Variants in PTPRD observed in about 807,000 individuals in gnomAD.
The protein encoded by PTPRD is protein tyrosine phosphatase receptor type D.
Under a neutral mutation model 214.5 loss-of-function variants are expected in PTPRD, and 34 were observed. That is an observed-to-expected ratio of 0.16 (90% CI 0.12 to 0.21). The LOEUF (loss-of-function observed/expected upper bound fraction) is 0.21, where lower values mean the gene tolerates loss of function less well. Among genes scored for constraint, PTPRD ranks in the 10% least tolerant of loss-of-function variants. The probability of loss-of-function intolerance (pLI) is 1.00; values close to 1 mark genes in which losing one functional copy is unlikely to be tolerated. For missense variants in PTPRD, 2,545 were observed against 2,398.7 expected (o/e 1.06, Z -1.27); for synonymous variants, 1,128 against 845.7 (o/e 1.33, Z -5.79).
chr9:10,147,577 G>C (rs2099031911), intron 3 of PTPRD, among the ~76,000 whole-genome samples: 1 of 152,042 alleles, frequency 6.6e-6, no homozygotes. Context: ...GAGTTATAGA[G>C]ATGCAAAAGC....
At chr9:8,969,898 T>C (rs983279590) in intron 11 of PTPRD, among the ~76,000 whole-genome samples, 2 of 151,980 alleles carry the variant, frequency 1.3e-5, no homozygotes, top group Non-Finnish European at 1.5e-5. Context: ...AATTACAACA[T>C]TGCCTTTTAA....
At chr9:10,519,257 C>CG (rs1555465157) in intron 2 of PTPRD, among the ~76,000 whole-genome samples, 1 of 71,442 alleles carries the variant, frequency 1.4e-5, no homozygotes, top group Non-Finnish European at 2.4e-5. Flanking sequence ...ATTTCCTCCA[C>CG]AAAAAAAAAA....
chr9:9,211,463 TTTCC>T lies in PTPRD; in HGVS notation c.-202-28104_-202-28101del, dbSNP rs1017292512. On this transcript the variant is annotated intron_variant, in intron 9 of 45. Transcript: ENST00000381196. Reference sequence around the variant, plus strand: ...ATAAATATTAGCTTTCATCACTGGTTTTCCTTCCTTCCTTCTTTCTTTCCTTCCT... The same window carrying T: ...ATAAATATTAGCTTTCATCACTGGTTTTCCTTCCTTCTTTCTTTCCTTCCT... 1.6e-3 allele frequency among the ~76,000 whole-genome samples: 248 copies of T among 151,660 alleles called. 1 individual carries two copies. Among genetic ancestry groups the T allele is most frequent in the African/African-American group, 5.8e-3 (241 of 41,298 alleles).
intron 8 of PTPRD, among the ~76,000 whole-genome samples, chr9:9,446,791 C>A (rs536687337): frequency 6.6e-6 from 1 of 152,152 alleles, no homozygotes; most frequent in South Asian, 2.1e-4. Flanking sequence ...TATCCCACAT[C>A]TATAAGGAAC....
chr9:9,554,433 T>C (rs1431947728), intron 8 of PTPRD, among the ~76,000 whole-genome samples: 1 of 151,930 alleles, frequency 6.6e-6, no homozygotes, highest in South Asian at 2.1e-4. Context: ...ATCCTACTCT[T>C]GTTTTTAGGT....
chr9:8,708,693 A>AC (rs1322059589), intron 12 of PTPRD, among the ~76,000 whole-genome samples: 2 of 147,806 alleles, frequency 1.4e-5, no homozygotes, highest in Non-Finnish European at 3.0e-5. Context: ...AAAAAAAAAA[A>AC]AAAAAAAAAA....
chr9:9,537,057 C>T (rs1179196440), intron 8 of PTPRD, among the ~76,000 whole-genome samples: 1 of 151,738 alleles, frequency 6.6e-6, no homozygotes, highest in East Asian at 1.9e-4. Context: ...CCTCTCAATA[C>T]CACTGCTTTT....
At chr9:8,972,490 G>A (rs1310341858) in intron 11 of PTPRD, among the ~76,000 whole-genome samples, 1 of 151,308 alleles carries the variant, frequency 6.6e-6, no homozygotes, top group African/African-American at 2.4e-5. Context: ...TAGTGTAGAA[G>A]AAAAAGAAGA....
chr9:10,463,712 A>G (rs1217378825), intron 2 of PTPRD, among the ~76,000 whole-genome samples: 5 of 152,106 alleles, frequency 3.3e-5, no homozygotes, highest in Non-Finnish European at 5.9e-5. Context: ...GTGACACTCA[A>G]CTTCAGACAC....
At chr9:9,653,071 G>A (rs905023313) in intron 7 of PTPRD, among the ~76,000 whole-genome samples, 4 of 149,596 alleles carry the variant, frequency 2.7e-5, no homozygotes, top group Admixed American at 6.6e-5. Context: ...GGCCGGGCGC[G>A]GTGGCTCACG....
chr9:9,270,791 TA>T (rs1942551158), intron 9 of PTPRD, among the ~76,000 whole-genome samples: 1 of 151,354 alleles, frequency 6.6e-6, no homozygotes, highest in Non-Finnish European at 1.5e-5. Context: ...TTGGTCTAGC[TA>T]GGCAGCAGAA....
rs963749370 is a variant in PTPRD at position 10,435,683 on chromosome 9, GA to G, written c.-599-94667del. ...CAGCAGGAAAAATGAATATCTGGAT[GA>G]ATATAAAATAAACTAATAATCATGC... On this transcript the variant is annotated intron_variant, in intron 2 of 45. Transcript: ENST00000381196. Among the ~76,000 whole-genome samples, 163 of 151,938 alleles carry G rather than the reference GA, an allele frequency of 1.1e-3. 1 individual carries two copies. Among genetic ancestry groups the G allele is most frequent in the Admixed American group, 7.4e-3 (113 of 15,188 alleles).
At position 8,942,422 on chromosome 9, in the gene PTPRD, C is replaced by A. The variant is rs776958768; in HGVS notation, c.-104+76275G>T. ...GTTGACATGGCCATTACAATTAGATCTGGTGCACAGGAGAGAGGAAAACAA... is the reference window on the plus strand; with the variant it reads ...GTTGACATGGCCATTACAATTAGATATGGTGCACAGGAGAGAGGAAAACAA... On this transcript the variant is annotated intron_variant, in intron 11 of 45. Transcript: ENST00000381196. 2.0e-5 allele frequency among the ~76,000 whole-genome samples: 3 copies of A among 152,194 alleles called. No homozygotes were observed. In the South Asian group the frequency reaches 6.2e-4, roughly 32 times the overall value.
At position 8,373,860 on chromosome 9, in the gene PTPRD, G is replaced by A. The variant is rs4008197; in HGVS notation, c.4661+2076C>T. On this transcript the variant is annotated intron_variant, in intron 39 of 45. Coordinates refer to ENST00000381196, the MANE Select transcript of PTPRD (RefSeq NM_002839.4). ...TGTATGTATGTATGTGTATGTGTCT[G>A]TCTGTCTATCTATCTATCTATCTAT... Among the ~76,000 whole-genome samples, 638 of 75,314 alleles carry A rather than the reference G, an allele frequency of 8.5e-3. 7 individuals are homozygous for A. The highest frequency in any genetic ancestry group is 0.042 in the African/African-American group (498 of 11,974). 49.4% of individuals were successfully genotyped at this position (75,314 alleles called of 152,430 possible).
intron 10 of PTPRD, among the ~76,000 whole-genome samples, chr9:9,106,877 G>C (rs1363045241): frequency 6.6e-6 from 1 of 152,222 alleles, no homozygotes; most frequent in East Asian, 1.9e-4. Context: ...CATAGACAGT[G>C]TGACATAATG....
At chr9:9,957,220 T>A (rs1011082294) in intron 4 of PTPRD, among the ~76,000 whole-genome samples, 1 of 152,162 alleles carries the variant, frequency 6.6e-6, no homozygotes, top group Non-Finnish European at 1.5e-5. Context: ...ATGGGAACAT[T>A]AACAGAGGCA....
At chr9:9,413,343 T>C (rs1029337725) in intron 8 of PTPRD, among the ~76,000 whole-genome samples, 1 of 150,830 alleles carries the variant, frequency 6.6e-6, no homozygotes, top group Non-Finnish European at 1.5e-5. Flanking sequence ...CTCGATCTCC[T>C]GACCTCATGA....
chr9:9,519,567 T>A (rs2096916621), intron 8 of PTPRD, among the ~76,000 whole-genome samples: 1 of 152,002 alleles, frequency 6.6e-6, no homozygotes, highest in Non-Finnish European at 1.5e-5. Context: ...TATGAACAAC[T>A]GTATTCAAAA....
rs79283971 is a variant in PTPRD at position 8,682,100 on chromosome 9, G to A, written c.65-45256C>T. On this transcript the variant is annotated intron_variant, in intron 12 of 45. Transcript: ENST00000381196. ...AAATTCAATGAGACAGCAAAATAGC[G>A]ATATAGACACCTTTGTCATTCAGTA... Among the ~76,000 whole-genome samples, 241 of 152,158 alleles carry A rather than the reference G, an allele frequency of 1.6e-3. 1 individual carries two copies. The highest frequency in any genetic ancestry group is 0.015 in the East Asian group (80 of 5,182).
Sources: allele counts gnomAD v4.1 joint callset (sites outside exome capture counted in the v4.1 genomes callset), GRCh38; gene constraint gnomAD v4.1.1; transcripts MANE v1.5; gene names NCBI Gene and HGNC (gene_info 2026-07-23, HGNC 2026-07-21).